EFCAB6: variants seen among roughly 807,000 people sequenced by gnomAD.
EFCAB6 encodes EF-hand calcium-binding domain-containing protein 6.
A neutral mutation model predicts 169.8 loss-of-function variants in EFCAB6; 156 were observed. That is an observed-to-expected ratio of 0.92 (90% confidence interval 0.81 to 1.05). The LOEUF (loss-of-function observed/expected upper bound fraction) is 1.05, where lower values mean the gene tolerates loss of function less well. EFCAB6 is among the 50% of genes least tolerant of loss of function. The pLI is 0.00. For synonymous variants in EFCAB6, 698 were observed against 676.4 expected (o/e 1.03, Z -0.50); for missense variants, 1,800 against 1,829.1 (o/e 0.98, Z 0.29).
chr22:43,696,801 G>A (rs903738039), intron 10 of EFCAB6, among the ~76,000 whole-genome samples: 2 of 152,124 alleles, frequency 1.3e-5, no homozygotes, highest in African/African-American at 2.4e-5. Context: ...TGGGGGTCAC[G>A]GGAGGGGATT....
chr22:43,600,396 G>A lies in EFCAB6; in HGVS notation c.2682-133C>T. 1.2e-5 allele frequency: 11 copies of A among 924,178 alleles called. No individual in the cohort carries two copies. The South Asian group carries it at 1.8e-4, about 15-fold the overall frequency. 57.2% of individuals were successfully genotyped at this position (924,178 alleles called of 1,614,324 possible). A position where few individuals can be genotyped will look rare whatever the true frequency, so the allele number is the denominator to read the frequency against. On this transcript the variant is annotated intron_variant, in intron 22 of 31. Transcript: ENST00000262726. ...TCCCTCACCACTCGGAGCATGCCCTGTGGGCCAGCGGAATCAGCCCCGCCT... is the reference window on the plus strand; with the variant it reads ...TCCCTCACCACTCGGAGCATGCCCTATGGGCCAGCGGAATCAGCCCCGCCT...
In EFCAB6 at chr22:43,678,035, GT is replaced by G. The variant is rs1467881399; in HGVS notation, c.1379del (p.Asn460ThrfsTer8). ...MLDPGDTGVV[N>X]TSMFIDLIEE... Reference sequence around the variant, plus strand: ...CAATCAGATCAATAAACATGCTGGTGTTGACCACTCCAGTGTCCCCAGGGTC... The same window carrying G: ...CAATCAGATCAATAAACATGCTGGTGTGACCACTCCAGTGTCCCCAGGGTC... On this transcript the variant is annotated frameshift_variant, in exon 13 of 32. Coordinates refer to ENST00000262726, the MANE Select transcript of EFCAB6 (RefSeq NM_022785.4). LOFTEE classifies it high-confidence loss of function. The G allele has an allele frequency of 6.2e-7, 1 of 1,613,912 alleles. No individual in the cohort carries two copies. Among genetic ancestry groups the G allele is most frequent in the African/African-American group, 1.3e-5 (1 of 74,876 alleles).
intron 8 of EFCAB6, among the ~76,000 whole-genome samples, chr22:43,717,587 G>A (rs932656324): frequency 6.6e-6 from 1 of 152,006 alleles, no homozygotes; most frequent in African/African-American, 2.4e-5. Context: ...ATAAATGTAT[G>A]GACTACTCAA....
intron 27 of EFCAB6, among the ~76,000 whole-genome samples, chr22:43,547,751 G>GAA (rs571517877): frequency 1.6e-5 from 2 of 123,280 alleles, no homozygotes; most frequent in African/African-American, 3.0e-5. Flanking sequence ...GGGAAAAAAA[G>GAA]AAAAAAAAAA....
chr22:43,751,228 T>C (rs1217330005), intron 6 of EFCAB6, among the ~76,000 whole-genome samples: 1 of 152,228 alleles, frequency 6.6e-6, no homozygotes, highest in African/African-American at 2.4e-5. Context: ...CACGACCTTC[T>C]GAACATACAC....
At chr22:43,787,745 T>C (rs2062133286) in intron 2 of EFCAB6, among the ~76,000 whole-genome samples, 2 of 152,110 alleles carry the variant, frequency 1.3e-5, no homozygotes, top group Non-Finnish European at 1.5e-5. Context: ...GAAATTCATA[T>C]ACAAATGCAA....
At position 43,628,501 on chromosome 22, in the gene EFCAB6, G is replaced by A. The variant is rs9626003; in HGVS notation, c.2233-1822C>T. ...TCCCGAGCGATCCCTTACAGCTGAC[G>A]TCATGCATGAGGCGCCTCTGCTCAA... On this transcript the variant is annotated intron_variant, in intron 19 of 31. Transcript: ENST00000262726. The surrounding 1 kb of genome is among the most constrained non-coding windows in gnomAD (Gnocchi z 4.8). 0.15 allele frequency among the ~76,000 whole-genome samples: 22,293 copies of A among 152,036 alleles called. 1,931 individuals carry two copies. Among genetic ancestry groups the A allele is most frequent in the African/African-American group, 0.23 (9,482 of 41,488 alleles).
rs781222299 is a variant in EFCAB6, at chr22:43,554,990, G to C, written c.3527C>G (p.Ser1176Cys). The C allele has an allele frequency of 1.2e-6, 2 of 1,614,204 alleles. No homozygotes were observed. The highest frequency in any genetic ancestry group is 8.5e-7 in the Non-Finnish European group (1 of 1,180,038). ...CTCCTGGGTGATGGCATGGTAATGG[G>C]AAGTCACTGCTTTGTGGAGGCGAGC... ...ILARLHKAVT[S>C]HYHAITQEFE... Residue 1176 changes from serine to cysteine, a missense_variant, in exon 27 of 32, where the codon TCC (serine) becomes TGC (cysteine). Transcript: ENST00000262726.
At chr22:43,684,526 G>A (rs559431880) in intron 11 of EFCAB6, among the ~76,000 whole-genome samples, 97 of 152,262 alleles carry the variant, frequency 6.4e-4, no homozygotes, top group African/African-American at 2.2e-3. Flanking sequence ...TCTCTTTTCT[G>A]ATGTTCTACT....
intron 4 of EFCAB6, among the ~76,000 whole-genome samples, chr22:43,768,218 C>G (rs181541849): frequency 2.0e-5 from 3 of 152,300 alleles, no homozygotes; most frequent in Admixed American, 2.0e-4. Context: ...AACAAAGGTA[C>G]GGAGCAGATT....
chr22:43,731,420 A>G (rs1265413605), intron 8 of EFCAB6, among the ~76,000 whole-genome samples: 1 of 152,216 alleles, frequency 6.6e-6, no homozygotes, highest in Non-Finnish European at 1.5e-5. Flanking sequence ...CCAATCCGCT[A>G]CAGATATTCC....
At chr22:43,798,208 A>C (rs1261026954) in intron 2 of EFCAB6, among the ~76,000 whole-genome samples, 1 of 152,002 alleles carries the variant, frequency 6.6e-6, no homozygotes, top group African/African-American at 2.4e-5. Context: ...AGATGGTGAA[A>C]CCCCATCTCT....
chr22:43,718,274 C>G (rs1297801514), intron 8 of EFCAB6, among the ~76,000 whole-genome samples: 1 of 152,172 alleles, frequency 6.6e-6, no homozygotes. Flanking sequence ...CATTTTCTTT[C>G]TCAAAGTTGA....
At chr22:43,800,517 T>C (rs1358947006) in intron 2 of EFCAB6, among the ~76,000 whole-genome samples, 1 of 152,182 alleles carries the variant, frequency 6.6e-6, no homozygotes, top group African/African-American at 2.4e-5. Context: ...ACAGTGATAT[T>C]TGAGCTGTCT....
At chr22:43,735,255 T>C (rs2060089395) in intron 7 of EFCAB6, among the ~76,000 whole-genome samples, 1 of 152,038 alleles carries the variant, frequency 6.6e-6, no homozygotes, top group African/African-American at 2.4e-5. Flanking sequence ...CAGGTGGTGG[T>C]GGCGTTCAAA....
chr22:43,636,684 C>T (rs1212838910), intron 17 of EFCAB6, among the ~76,000 whole-genome samples: 43 of 148,880 alleles, frequency 2.9e-4, no homozygotes. Context: ...TACCTAGGTG[C>T]ACTGTAACCT....
intron 7 of EFCAB6, among the ~76,000 whole-genome samples, chr22:43,732,259 G>T (rs2059980415): frequency 6.6e-6 from 1 of 152,050 alleles, no homozygotes; most frequent in Non-Finnish European, 1.5e-5. Flanking sequence ...TGGAGAGCTG[G>T]GTGGAGGAGC....
At chr22:43,666,702 T>TTG (rs1029505931) in intron 17 of EFCAB6, among the ~76,000 whole-genome samples, 26 of 120,558 alleles carry the variant, frequency 2.2e-4, no homozygotes, top group African/African-American at 8.9e-4. Flanking sequence ...TTTTTTTTTT[T>TTG]TTTTTTTTTT....
At chr22:43,782,153 T>G (rs1184956626) in intron 3 of EFCAB6, 27 bp downstream of exon 3, 2 of 1,602,564 alleles carry the variant, frequency 1.2e-6, no homozygotes, top group African/African-American at 2.7e-5. Flanking sequence ...CTACAGTTAG[T>G]GTTCTTATTT....
Sources: gnomAD v4.1 joint callset for allele counts (sites outside exome capture counted in the v4.1 genomes callset) on GRCh38, gnomAD v4.1.1 for gene constraint, Gnocchi (gnomAD v3.1) non-coding constraint, MANE v1.5 for transcripts, NCBI Gene and HGNC (gene_info 2026-07-23, HGNC 2026-07-21) for gene names.